SV2A: variants seen among roughly 807,000 people sequenced by gnomAD.
SV2A encodes synaptic vesicle glycoprotein 2A, also known as solute carrier family 22 member B1.
SV2A carries 25 observed loss-of-function variants against 78.0 expected under a neutral mutation model. The observed-to-expected ratio is 0.32, with a 90% CI of 0.23 to 0.45. The LOEUF (loss-of-function observed/expected upper bound fraction) is 0.45, where lower values mean the gene tolerates loss of function less well. Ranked by LOEUF, SV2A falls within the 20% of genes least tolerant of loss-of-function variation. The pLI, the probability that SV2A is intolerant of heterozygous loss-of-function variation, is 1.00. For missense variants in SV2A, 752 were observed against 971.5 expected (o/e 0.77, Z 3.00); for synonymous variants, 355 against 384.7 (o/e 0.92, Z 0.90).
At chr1:149,911,095 A>T in intron 3 of SV2A, 118 bp from the exon 4 acceptor site, 1 of 1,334,134 alleles carries the variant, frequency 7.5e-7, no homozygotes, top group South Asian at 1.5e-5. Flanking sequence ...ACTCCATCTC[A>T]CACATAAAGC....
In SV2A at chr1:149,904,973, C is replaced by G; in HGVS notation, c.*41G>C. On this transcript the variant is annotated 3_prime_UTR_variant, in exon 13 of 13. Transcript: ENST00000369146. ...GGAGGGGAAGGAAGGAGTTGTTGGTCTCACAGTGTGCCTGCCAATCCCAAA... is the reference window on the plus strand; with the variant it reads ...GGAGGGGAAGGAAGGAGTTGTTGGTGTCACAGTGTGCCTGCCAATCCCAAA... The G allele has an allele frequency of 6.4e-7, 1 of 1,563,374 alleles. No homozygotes were observed. Among genetic ancestry groups the G allele is most frequent in the Non-Finnish European group, 8.7e-7 (1 of 1,152,698 alleles).
rs1052239446 is a variant in SV2A, at chr1:149,910,480, C to A, written c.1089+90G>T. ...CAGTCAAACAGGATCAAATCAAACT[C>A]CAGTTGGTGTTTGAACACAGAAGCC... On this transcript the variant is annotated intron_variant, in intron 5 of 12. Coordinates refer to ENST00000369146, the MANE Select transcript of SV2A (RefSeq NM_014849.5). The surrounding 1 kb of genome is among the most constrained non-coding windows in gnomAD (Gnocchi z 4.2). The A allele has an allele frequency of 5.5e-5, 79 of 1,448,036 alleles. 1 individual carries two copies. The African/African-American group carries it at 1.1e-3, about 20-fold the overall frequency. 89.7% of individuals were successfully genotyped at this position (1,448,036 alleles called of 1,614,324 possible). A position where few individuals can be genotyped will look rare whatever the true frequency, so the allele number is the denominator to read the frequency against.
chr1:149,908,350 T>C, intron 8 of SV2A, 144 bp from the exon 9 acceptor site: 1 of 925,948 alleles, frequency 1.1e-6, no homozygotes, highest in South Asian at 1.8e-5. Flanking sequence ...ACCTTGCTCC[T>C]CTCCAGCCTC....
At chr1:149,915,263 A>G (rs2092505585) in intron 1 of SV2A, among the ~76,000 whole-genome samples, 1 of 152,210 alleles carries the variant, frequency 6.6e-6, no homozygotes, top group African/African-American at 2.4e-5. Context: ...GGAAAGAAAC[A>G]GGAAGCAGCA....
At position 149,910,455 on chromosome 1, in the gene SV2A, C is replaced by T; in HGVS notation, c.1089+115G>A. 7.3e-7 allele frequency: 1 copy of T among 1,374,708 alleles called. No individual in the cohort carries two copies. Among genetic ancestry groups the T allele is most frequent in the Non-Finnish European group, 9.6e-7 (1 of 1,040,800 alleles). The allele number at this position is 1,374,708 out of a possible 1,614,324, so 85.2% of individuals were successfully genotyped here. On this transcript the variant is annotated intron_variant, in intron 5 of 12. Coordinates refer to ENST00000369146, the MANE Select transcript of SV2A (RefSeq NM_014849.5). The surrounding 1 kb of genome is among the most constrained non-coding windows in gnomAD (Gnocchi z 4.2). ...GAGTGGACTCTGTGAGGAAGGCAGG[C>T]AGTCAAACAGGATCAAATCAAACTC...
rs1488924484 is a variant in SV2A at position 149,904,077 on chromosome 1, G to A, written c.*937C>T. 1.3e-5 allele frequency: 2 copies of A among 152,830 alleles called. No homozygotes were observed. The highest frequency in any genetic ancestry group is 2.9e-5 in the Non-Finnish European group (2 of 68,170). 9.5% of individuals were successfully genotyped at this position (152,830 alleles called of 1,614,324 possible). On this transcript the variant is annotated 3_prime_UTR_variant, in exon 13 of 13. Coordinates refer to ENST00000369146, the MANE Select transcript of SV2A (RefSeq NM_014849.5). ...CAGCTGTGCTATTCCCGCCTGTGCT[G>A]TAGTGGGTGGAGCCTCTCACTCCAG...
At position 149,907,790 on chromosome 1, in the gene SV2A, G is replaced by A; in HGVS notation, c.1588C>T (p.Leu530=). Residue 530 remains leucine, a synonymous_variant, in exon 10 of 13, where the codon CTG becomes TTG. Coordinates refer to ENST00000369146, the MANE Select transcript of SV2A (RefSeq NM_014849.5). The part of the protein sequence containing the change: ...RLKSVSFEDS[L]FEECYFEDVT... ...TCCTCAAAATAACACTCTTCAAACA[G>A]GGAATCCTCAAAGGACACTGACTTG... 1 of 1,614,136 alleles carries A rather than the reference G, an allele frequency of 6.2e-7. No individual in the cohort carries two copies. The highest frequency in any genetic ancestry group is 1.1e-5 in the South Asian group (1 of 91,066).
rs1553763091 is a variant in SV2A at position 149,908,198 on chromosome 1, C to A, written c.1388G>T (p.Gly463Val). The A allele has an allele frequency of 6.2e-7, 1 of 1,613,486 alleles. No homozygotes were observed. Among genetic ancestry groups the A allele is most frequent in the Non-Finnish European group, 8.5e-7 (1 of 1,179,614 alleles). ...VWFTMSFSYY[G>V]LTVWFPDMIR... ...CATGTCAGGAAACCAGACGGTCAGGCCATAGTAGCTGAAGAGTCAAGGACA... is the reference window on the plus strand; with the variant it reads ...CATGTCAGGAAACCAGACGGTCAGGACATAGTAGCTGAAGAGTCAAGGACA... Residue 463 changes from glycine to valine, a missense_variant, in exon 9 of 13, where the codon GGC (glycine) becomes GTC (valine). By Grantham distance (109) the Gly-to-Val change is moderately radical. Coordinates refer to ENST00000369146, the MANE Select transcript of SV2A (RefSeq NM_014849.5).
intron 6 of SV2A, 55 bp downstream of exon 6, chr1:149,909,746 G>A (rs2101619169): frequency 6.3e-7 from 1 of 1,590,600 alleles, no homozygotes; most frequent in Non-Finnish European, 8.6e-7. Context: ...GAGGGGCCAG[G>A]TAGGGGCTGG....
chr1:149,906,762 G>A lies in SV2A; in HGVS notation c.1773C>T (p.Gly591=), dbSNP rs147129258. ...CAAAGTATACCATGTAGGCACCTTC[G>A]CCCGTCCCTGTCACGTCTAGCGGGC... ...EGCPLDVTGT[G]EGAYMVYFVS... The change falls in exon 11 of 13, where the codon GGC becomes GGT. Residue 591 remains glycine (G), a synonymous_variant. Coordinates refer to ENST00000369146, the MANE Select transcript of SV2A (RefSeq NM_014849.5). 196 of 1,614,142 alleles carry A rather than the reference G, an allele frequency of 1.2e-4. No individual in the cohort carries two copies. Among genetic ancestry groups the A allele is most frequent in the African/African-American group, 1.1e-3 (83 of 75,028 alleles).
At chr1:149,915,158 A>T (rs2092504853) in intron 1 of SV2A, among the ~76,000 whole-genome samples, 1 of 152,164 alleles carries the variant, frequency 6.6e-6, no homozygotes, top group Admixed American at 6.5e-5. Flanking sequence ...GGGGATAATT[A>T]AATTGGGAGA....
intron 2 of SV2A, among the ~76,000 whole-genome samples, chr1:149,912,568 GC>G (rs1348484411): frequency 1.8e-4 from 27 of 152,024 alleles, no homozygotes; most frequent in African/African-American, 5.8e-4. Context: ...ATTTTCCCAT[GC>G]CCAAACCAAG....
chr1:149,908,408 G>A (rs113064402), intron 8 of SV2A, among the ~76,000 whole-genome samples: 1 of 152,126 alleles, frequency 6.6e-6, no homozygotes, highest in Admixed American at 6.5e-5. Flanking sequence ...CGCTCCTGGG[G>A]GACTTCAGGG....
At chr1:149,907,971 A>G in intron 9 of SV2A, 71 bp downstream of exon 9, 2 of 1,576,872 alleles carry the variant, frequency 1.3e-6, no homozygotes, top group South Asian at 1.2e-5. Context: ...CTTGTCTTGA[A>G]CCCCTAGACT....
chr1:149,909,201 A>G lies in SV2A; in HGVS notation c.1370T>C (p.Met457Thr). The change falls in exon 8 of 13, where the codon ATG becomes ACG. Residue 457 changes from methionine (M) to threonine (T), a missense_variant. By Grantham distance (81) the Met-to-Thr change is moderately conservative. Around this residue, in one of 7 missense-constraint regions of SV2A, gnomAD observed 10 missense variants for 31.1 expected, o/e 0.32. Coordinates refer to ENST00000369146, the MANE Select transcript of SV2A (RefSeq NM_014849.5). ...TLMMMGVWFT[M>T]SFSYYGLTVW... The stretch of plus-strand genomic sequence containing the variant: ...CCACCCATCTCCTCACCTGAATGAC[A>G]TGGTGAACCACACACCCATCATCAT... 6.2e-7 allele frequency: 1 copy of G among 1,613,972 alleles called. No homozygotes were observed. Among genetic ancestry groups the G allele is most frequent in the Non-Finnish European group, 8.5e-7 (1 of 1,179,940 alleles).
At chr1:149,912,066 G>A in intron 2 of SV2A, 86 bp from the exon 3 acceptor site, 3 of 1,391,674 alleles carry the variant, frequency 2.2e-6, no homozygotes, top group East Asian at 2.5e-5. Context: ...GGAGCTGAAG[G>A]ATCTGAAAAA....
At chr1:149,913,103 G>A (rs1351781406) in intron 2 of SV2A, 116 bp downstream of exon 2, 27 of 1,343,876 alleles carry the variant, frequency 2.0e-5, no homozygotes, top group Non-Finnish European at 2.6e-5. Flanking sequence ...GAGCCCTCTG[G>A]GAACATCTTG....
chr1:149,910,676 T>G lies in SV2A; in HGVS notation c.983A>C (p.Tyr328Ser). 6.2e-7 allele frequency: 1 copy of G among 1,613,958 alleles called. No individual in the cohort carries two copies. Among genetic ancestry groups the G allele is most frequent in the Non-Finnish European group, 8.5e-7 (1 of 1,179,932 alleles). ...YGWSFQMGSA[Y>S]QFHSWRVFVL... ...GAAGACCCTCCAGCTGTGGAACTGG[T>G]AGGCAGAACCCATCTGAAAACTCCA... Residue 328 changes from tyrosine (Y) to serine (S), a missense_variant, in exon 5 of 13, where the codon TAC (tyrosine) becomes TCC (serine). Around this residue, in one of 7 missense-constraint regions of SV2A, gnomAD observed 43 missense variants for 70.8 expected, o/e 0.61. Transcript: ENST00000369146. This position sits in a 1 kb window ranked among gnomAD's most constrained non-coding sequence, Gnocchi z 4.2.
intron 1 of SV2A, among the ~76,000 whole-genome samples, chr1:149,914,789 A>C (rs965693376): frequency 2.6e-5 from 4 of 152,342 alleles, no homozygotes; most frequent in Non-Finnish European, 2.9e-5. Context: ...ACCAAGCCTC[A>C]GTTTCTTCTT....
Sources: allele counts gnomAD v4.1 joint callset (sites outside exome capture counted in the v4.1 genomes callset), GRCh38; gene constraint gnomAD v4.1.1; regional missense constraint gnomAD v4.1.1; non-coding constraint Gnocchi (gnomAD v3.1); transcripts MANE v1.5; gene names NCBI Gene and HGNC (gene_info 2026-07-23, HGNC 2026-07-21).